Variants in RAB6B observed in about 807,000 individuals in gnomAD.
RAB6B encodes ras-related protein Rab-6B.
In RAB6B, 7 loss-of-function variants were observed where a neutral mutation model predicts 31.2. The ratio of observed to expected loss-of-function variants is 0.22; its 90% CI spans 0.13 to 0.42. The LOEUF is 0.42. RAB6B is among the 10% of genes least tolerant of loss of function. The probability of loss-of-function intolerance (pLI) is 1.00; values close to 1 mark genes in which losing one functional copy is unlikely to be tolerated. For synonymous variants in RAB6B, 105 were observed against 104.9 expected (o/e 1.00, Z -0.01); for missense variants, 149 against 280.6 (o/e 0.53, Z 3.35).
chr3:133,839,946 T>G (rs558990236), intron 4 of RAB6B, among the ~76,000 whole-genome samples: 83 of 152,108 alleles, frequency 5.5e-4, no homozygotes, highest in African/African-American at 1.8e-3. Flanking sequence ...CTCTGGGGAT[T>G]CAGAGTGGAG....
chr3:133,887,332 C>A (rs1469464509), intron 1 of RAB6B, among the ~76,000 whole-genome samples: 3 of 152,188 alleles, frequency 2.0e-5, no homozygotes, highest in Non-Finnish European at 2.9e-5. Flanking sequence ...TGCCCCTCCC[C>A]CACATTGTGC....
chr3:133,873,897 TTAAGA>T lies in RAB6B; in HGVS notation c.71-9260_71-9256del, dbSNP rs1316219674. On this transcript the variant is annotated intron_variant, in intron 1 of 7. Transcript: ENST00000285208. ...GTTATATGTATTATATACTCTATTC[TTAAGA>T]TAAGCTAGAGAAAAGAAAATGTTAT... Among the ~76,000 whole-genome samples, 3 of 152,230 alleles carry T rather than the reference TTAAGA, an allele frequency of 2.0e-5. No individual in the cohort carries two copies. In the East Asian group the frequency reaches 5.8e-4, roughly 29 times the overall value.
intron 2 of RAB6B, among the ~76,000 whole-genome samples, chr3:133,851,627 A>C (rs979214483): frequency 2.0e-4 from 30 of 152,160 alleles, no homozygotes; most frequent in Non-Finnish European, 3.2e-4. Flanking sequence ...TGGGTGTGAA[A>C]GATGTAGAGA....
intron 2 of RAB6B, among the ~76,000 whole-genome samples, chr3:133,847,906 T>A (rs1935927768): frequency 6.6e-6 from 1 of 152,226 alleles, no homozygotes; most frequent in African/African-American, 2.4e-5. Context: ...TCTTCTAGGA[T>A]CTTCTTCCTT....
Position 133,828,508 on chromosome 3 carries a change from T to C in RAB6B, c.*280A>G, listed in dbSNP as rs2107983665. The C allele has an allele frequency of 2.1e-6, 1 of 476,406 alleles. No individual in the cohort carries two copies. Among genetic ancestry groups the C allele is most frequent in the East Asian group, 3.9e-5 (1 of 25,728 alleles). 29.5% of individuals were successfully genotyped at this position (476,406 alleles called of 1,614,324 possible). ...CTGGCAAAAAATTGTATACACATGA[T>C]TTAAATTTTTTTTAAATTTTAACAG... On this transcript the variant is annotated 3_prime_UTR_variant, in exon 8 of 8. Coordinates refer to ENST00000285208, the MANE Select transcript of RAB6B (RefSeq NM_016577.4).
At chr3:133,832,948 C>G (rs1037288081) in intron 7 of RAB6B, among the ~76,000 whole-genome samples, 24 of 152,212 alleles carry the variant, frequency 1.6e-4, no homozygotes, top group African/African-American at 5.8e-4. Flanking sequence ...GTGGGCCCAG[C>G]CTGGAGCCCT....
At chr3:133,853,391 T>C (rs762903988) in intron 2 of RAB6B, among the ~76,000 whole-genome samples, 1 of 151,954 alleles carries the variant, frequency 6.6e-6, no homozygotes, top group African/African-American at 2.4e-5. Flanking sequence ...ATCCATGATA[T>C]GCACATAGCC....
intron 2 of RAB6B, among the ~76,000 whole-genome samples, chr3:133,853,578 T>C (rs1445682279): frequency 6.6e-6 from 1 of 151,616 alleles, no homozygotes; most frequent in Non-Finnish European, 1.5e-5. Context: ...GCTGGCAGAG[T>C]GCCCCACTCA....
In RAB6B at chr3:133,828,245, T is replaced by C; in HGVS notation, c.*543A>G. ...CAGAGGCTGATGTGTTCAACCAATGTTTGATTTAACTGGAGTAGGGCCTAG... is the reference window on the plus strand; with the variant it reads ...CAGAGGCTGATGTGTTCAACCAATGCTTGATTTAACTGGAGTAGGGCCTAG... On this transcript the variant is annotated 3_prime_UTR_variant, in exon 8 of 8. Coordinates refer to ENST00000285208, the MANE Select transcript of RAB6B (RefSeq NM_016577.4). The C allele has an allele frequency of 2.0e-6, 1 of 506,142 alleles. No individual in the cohort carries two copies. The highest frequency in any genetic ancestry group is 3.5e-6 in the Non-Finnish European group (1 of 282,016). The allele number at this position is 506,142 out of a possible 1,614,324, so 31.4% of individuals were successfully genotyped here. A position where few individuals can be genotyped will look rare whatever the true frequency, so the allele number is the denominator to read the frequency against.
At chr3:133,864,440 C>T (rs982816133) in intron 2 of RAB6B, 144 bp downstream of exon 2, 37 of 775,786 alleles carry the variant, frequency 4.8e-5, no homozygotes, top group Non-Finnish European at 8.2e-5. Flanking sequence ...AGGGATGGGG[C>T]CAGTATAGAG....
chr3:133,856,055 G>C (rs1181148606), intron 2 of RAB6B, among the ~76,000 whole-genome samples: 1 of 152,028 alleles, frequency 6.6e-6, no homozygotes, highest in Non-Finnish European at 1.5e-5. Context: ...GAACCCACAG[G>C]CCACGACGGC....
chr3:133,892,670 G>A (rs554178360), intron 1 of RAB6B, among the ~76,000 whole-genome samples: 347 of 152,204 alleles, frequency 2.3e-3, no homozygotes, highest in African/African-American at 7.8e-3. Flanking sequence ...GGCTCATATC[G>A]GCAAGCCCAT....
chr3:133,888,075 G>C (rs1393822170), intron 1 of RAB6B, among the ~76,000 whole-genome samples: 1 of 152,208 alleles, frequency 6.6e-6, no homozygotes, highest in Non-Finnish European at 1.5e-5. Flanking sequence ...ATGCACAGCA[G>C]ACCTCGTGTC....
chr3:133,865,947 C>T (rs1936231962), intron 1 of RAB6B, among the ~76,000 whole-genome samples: 1 of 152,162 alleles, frequency 6.6e-6, no homozygotes, highest in Non-Finnish European at 1.5e-5. Context: ...TTCAGAAGAC[C>T]CCATCTTTAA....
intron 2 of RAB6B, among the ~76,000 whole-genome samples, chr3:133,842,914 T>C (rs1218067201): frequency 6.6e-6 from 1 of 152,222 alleles, no homozygotes; most frequent in East Asian, 1.9e-4. Context: ...TTTAATTGTG[T>C]GGAATGCCAT....
chr3:133,838,703 G>C (rs1005890798), intron 5 of RAB6B, among the ~76,000 whole-genome samples: 10 of 152,226 alleles, frequency 6.6e-5, no homozygotes, highest in African/African-American at 1.9e-4. Flanking sequence ...AGGGCTCCAT[G>C]ATGGGGCAGG....
intron 1 of RAB6B, among the ~76,000 whole-genome samples, chr3:133,888,272 CA>C (rs2108016063): frequency 1.3e-5 from 2 of 152,334 alleles, no homozygotes; most frequent in South Asian, 4.1e-4. Context: ...TCCTGACCCA[CA>C]AAACAGGGAT....
At chr3:133,841,490 A>C (rs571646902) in intron 3 of RAB6B, 100 bp from the exon 4 acceptor site, 124 of 1,528,892 alleles carry the variant, frequency 8.1e-5, no homozygotes, top group Admixed American at 1.2e-4. Context: ...CAATGCTGGC[A>C]TCACCAGCTC....
intron 1 of RAB6B, among the ~76,000 whole-genome samples, chr3:133,887,348 G>A (rs1039572059): frequency 1.3e-5 from 2 of 152,170 alleles, no homozygotes; most frequent in Non-Finnish European, 2.9e-5. Context: ...TGTGCCCCCA[G>A]GGAGGGTTGC....
Sources: allele counts gnomAD v4.1 joint callset (sites outside exome capture counted in the v4.1 genomes callset), GRCh38; gene constraint gnomAD v4.1.1; transcripts MANE v1.5; gene names NCBI Gene and HGNC (gene_info 2026-07-23, HGNC 2026-07-21).